Variants in SNX6 observed in about 807,000 individuals in gnomAD.
SNX6 encodes the protein sorting nexin 6.
SNX6 carries 34 observed loss-of-function variants against 63.0 expected under a neutral mutation model. The ratio of observed to expected loss-of-function variants is 0.54; its 90% confidence interval spans 0.41 to 0.72. The LOEUF (loss-of-function observed/expected upper bound fraction) is 0.72, where lower values mean the gene tolerates loss of function less well. Among genes scored for constraint, SNX6 ranks in the 30% least tolerant of loss-of-function variants. SNX6 has a pLI of 0.00. For missense variants in SNX6, 398 were observed against 471.4 expected (o/e 0.84, Z 1.44); for synonymous variants, 170 against 164.2 (o/e 1.04, Z -0.27).
intron 6 of SNX6, among the ~76,000 whole-genome samples, chr14:34,602,383 C>T (rs1298539443): frequency 1.3e-5 from 2 of 150,750 alleles, no homozygotes; most frequent in African/African-American, 2.4e-5. Flanking sequence ...GCTGAGATCG[C>T]ACCGTTGCAC....
At chr14:34,579,073 T>C (rs940186979) in intron 10 of SNX6, among the ~76,000 whole-genome samples, 1 of 151,890 alleles carries the variant, frequency 6.6e-6, no homozygotes, top group Non-Finnish European at 1.5e-5. Context: ...ATACTCATTC[T>C]TGTGGGCATG....
intron 6 of SNX6, among the ~76,000 whole-genome samples, chr14:34,600,337 G>C (rs1457553569): frequency 6.6e-6 from 1 of 152,128 alleles, no homozygotes; most frequent in Non-Finnish European, 1.5e-5. Flanking sequence ...TGTTGCCCAG[G>C]CTGGTCTTGA....
chr14:34,592,843 T>A (rs866960050), intron 8 of SNX6, among the ~76,000 whole-genome samples: 6 of 152,206 alleles, frequency 3.9e-5, no homozygotes, highest in African/African-American at 1.4e-4. Flanking sequence ...TCCAAAAGTG[T>A]CGTGATCACA....
intron 13 of SNX6, among the ~76,000 whole-genome samples, chr14:34,564,482 C>G (rs1447863899): frequency 2.0e-5 from 3 of 152,064 alleles, no homozygotes; most frequent in Admixed American, 1.3e-4. Flanking sequence ...GTTAATAGAA[C>G]AGTTATCAGA....
chr14:34,586,209 G>C, intron 9 of SNX6, 21 bp downstream of exon 9: 1 of 1,527,890 alleles, frequency 6.5e-7, no homozygotes, highest in Non-Finnish European at 9.0e-7. Context: ...CCTATTTCAC[G>C]TTTTAAATTA....
At chr14:34,619,376 C>T (rs1308773751) in intron 2 of SNX6, among the ~76,000 whole-genome samples, 1 of 151,610 alleles carries the variant, frequency 6.6e-6, no homozygotes, top group Non-Finnish European at 1.5e-5. Flanking sequence ...GAGCTGATAT[C>T]GCACCACTGC....
intron 6 of SNX6, among the ~76,000 whole-genome samples, chr14:34,601,101 A>G (rs112906370): frequency 2.0e-5 from 3 of 152,310 alleles, no homozygotes; most frequent in Non-Finnish European, 2.9e-5. Context: ...TCCAGAGTCA[A>G]TAATTTACCC....
chr14:34,629,421 T>C (rs1423764609), intron 2 of SNX6: 2 of 454,688 alleles, frequency 4.4e-6, no homozygotes, highest in South Asian at 1.6e-5. Flanking sequence ...ATTCGGCTAC[T>C]ATAAAAATCC....
rs1452413920 is a variant in SNX6, at chr14:34,562,421, T to C, written c.*701A>G. The C allele has an allele frequency of 6.6e-6, 1 of 152,140 alleles. No individual in the cohort carries two copies. Among genetic ancestry groups the C allele is most frequent in the African/African-American group, 2.4e-5 (1 of 41,322 alleles). 9.4% of individuals were successfully genotyped at this position (152,140 alleles called of 1,614,324 possible). On this transcript the variant is annotated 3_prime_UTR_variant, in exon 14 of 14. Transcript: ENST00000362031. ...TGCACTGTAAAGCATAATACAGGAG[T>C]AGATTTATTACAGCTACTCCACATT...
At chr14:34,611,056 G>A (rs555070034) in intron 2 of SNX6, among the ~76,000 whole-genome samples, 165 of 152,192 alleles carry the variant, frequency 1.1e-3, no homozygotes, top group Admixed American at 2.8e-3. Flanking sequence ...TTGGAGTGCA[G>A]TGCTCTGTTC....
chr14:34,583,839 T>G (rs182826361), intron 9 of SNX6, among the ~76,000 whole-genome samples: 2 of 130,314 alleles, frequency 1.5e-5, no homozygotes, highest in East Asian at 2.2e-4. Flanking sequence ...ATTAACTCTT[T>G]GGGAAGGTGG....
intron 9 of SNX6, among the ~76,000 whole-genome samples, chr14:34,584,764 G>A (rs57338661): frequency 6.6e-6 from 1 of 151,546 alleles, no homozygotes; most frequent in African/African-American, 2.4e-5. Context: ...AATATATATA[G>A]AGAGAGAGAG....
At chr14:34,617,044 T>C (rs1356965894) in intron 2 of SNX6, among the ~76,000 whole-genome samples, 1 of 152,148 alleles carries the variant, frequency 6.6e-6, no homozygotes, top group Non-Finnish European at 1.5e-5. Flanking sequence ...ATCGCACCAC[T>C]GCACTCCAGC....
intron 2 of SNX6, among the ~76,000 whole-genome samples, chr14:34,626,530 C>T (rs1033075063): frequency 1.3e-5 from 2 of 151,508 alleles, no homozygotes; most frequent in African/African-American, 4.8e-5. Flanking sequence ...CGGGCACGGT[C>T]GCGCACTCCT....
At chr14:34,608,964 G>A (rs1883120622) in intron 3 of SNX6, among the ~76,000 whole-genome samples, 1 of 151,840 alleles carries the variant, frequency 6.6e-6, no homozygotes, top group Admixed American at 6.6e-5. Context: ...GGAGGCAGAG[G>A]TTGCAGTGAG....
Position 34,603,371 on chromosome 14 carries a change from C to T in SNX6, c.493G>A (p.Val165Ile), listed in dbSNP as rs374536427. The part of the protein sequence containing the change: ...PILRRDLNFH[V>I]FLEYNQDLSV... ...ACATCTTGATTATATTCCAAGAAGACATGGAAATTTAAATCTCTTCTCAAA... is the reference window on the plus strand; with the variant it reads ...ACATCTTGATTATATTCCAAGAAGATATGGAAATTTAAATCTCTTCTCAAA... The change falls in exon 6 of 14, where the codon GTC becomes ATC. Residue 165 changes from valine to isoleucine, a missense_variant. Transcript: ENST00000362031. 1.1e-5 allele frequency: 17 copies of T among 1,610,296 alleles called. No homozygotes were observed. The highest frequency in any genetic ancestry group is 1.7e-5 in the Admixed American group (1 of 59,450).
intron 2 of SNX6, among the ~76,000 whole-genome samples, chr14:34,610,095 G>A (rs1883167529): frequency 1.3e-5 from 2 of 151,484 alleles, no homozygotes. Context: ...TATAATCCCA[G>A]CACTTTAGGA....
intron 10 of SNX6, among the ~76,000 whole-genome samples, chr14:34,579,910 C>T (rs1202501224): frequency 2.0e-5 from 3 of 152,084 alleles, no homozygotes; most frequent in East Asian, 3.8e-4. Flanking sequence ...CTGGGCCGAG[C>T]ACAGTGGCTC....
At position 34,581,659 on chromosome 14, in the gene SNX6, G is replaced by A. The variant is rs553145481; in HGVS notation, c.795-59C>T. 3.7e-6 allele frequency: 4 copies of A among 1,078,458 alleles called. No homozygotes were observed. In the East Asian group the frequency reaches 9.7e-5, roughly 26 times the overall value. 66.8% of individuals were successfully genotyped at this position (1,078,458 alleles called of 1,614,324 possible). A position where few individuals can be genotyped will look rare whatever the true frequency, so the allele number is the denominator to read the frequency against. ...TTCAAAGTAATTTTCCATTTCAAAT[G>A]TATGAGAATATGCTCCCAAACCATA... On this transcript the variant is annotated intron_variant, in intron 9 of 13. Transcript: ENST00000362031.
Sources: gnomAD v4.1 joint callset for allele counts (sites outside exome capture counted in the v4.1 genomes callset) on GRCh38, gnomAD v4.1.1 for gene constraint, MANE v1.5 for transcripts, NCBI Gene and HGNC (gene_info 2026-07-23, HGNC 2026-07-21) for gene names.